Variants in GABRG1 observed in about 807,000 individuals in gnomAD.
The protein encoded by GABRG1 is gamma-aminobutyric acid type A receptor subunit gamma1, also known as gamma-aminobutyric acid receptor subunit gamma-1.
Under a neutral mutation model 49.8 loss-of-function variants are expected in GABRG1, and 49 were observed. That is an observed-to-expected ratio of 0.98 (90% confidence interval 0.78 to 1.25). The LOEUF (loss-of-function observed/expected upper bound fraction) is 1.25, where lower values mean the gene tolerates loss of function less well. GABRG1 is among the 50% of genes most tolerant of loss of function. The pLI, the probability that GABRG1 is intolerant of heterozygous loss-of-function variation, is 0.00. For missense variants in GABRG1, 552 were observed against 552.3 expected (o/e 1.00, Z 0.01); for synonymous variants, 232 against 185.1 (o/e 1.25, Z -2.06).
At chr4:46,049,573 G>C (rs189727845) in intron 8 of GABRG1, among the ~76,000 whole-genome samples, 166 of 151,872 alleles carry the variant, frequency 1.1e-3, no homozygotes, top group African/African-American at 3.8e-3. Flanking sequence ...TTTAATTTTC[G>C]TTCTTTACCT....
chr4:46,088,218 T>C (rs1433574959), intron 2 of GABRG1, among the ~76,000 whole-genome samples: 3 of 152,050 alleles, frequency 2.0e-5, no homozygotes, highest in Non-Finnish European at 4.4e-5. Context: ...TTGTTAGTAG[T>C]AGTGTTTAGT....
At chr4:46,103,963 A>G (rs968605723) in intron 1 of GABRG1, among the ~76,000 whole-genome samples, 2 of 151,434 alleles carry the variant, frequency 1.3e-5, no homozygotes, top group Non-Finnish European at 1.5e-5. Flanking sequence ...AAAGTTCTAT[A>G]TACGTTACAC....
intron 1 of GABRG1, among the ~76,000 whole-genome samples, chr4:46,115,218 C>G (rs1028912847): frequency 6.6e-6 from 1 of 150,544 alleles, no homozygotes; most frequent in South Asian, 2.1e-4. Context: ...GTAAGTAAAA[C>G]CTCATTGTAG....
chr4:46,093,727 A>C (rs1342453497), intron 2 of GABRG1, among the ~76,000 whole-genome samples: 4 of 152,006 alleles, frequency 2.6e-5, no homozygotes. Flanking sequence ...TACATCCACT[A>C]TGTATCCATA....
chr4:46,099,088 AAC>A (rs1345757432), intron 1 of GABRG1, among the ~76,000 whole-genome samples: 1 of 151,756 alleles, frequency 6.6e-6, no homozygotes, highest in Non-Finnish European at 1.5e-5. Context: ...ACGGATTAAT[AAC>A]AGTGTATTAT....
chr4:46,099,467 G>A (rs1361142649), intron 1 of GABRG1, among the ~76,000 whole-genome samples: 1 of 151,754 alleles, frequency 6.6e-6, no homozygotes, highest in Non-Finnish European at 1.5e-5. Context: ...AGGGTTGGAA[G>A]CCACTGGGAT....
chr4:46,063,363 C>T (rs541697550), intron 5 of GABRG1, among the ~76,000 whole-genome samples: 9 of 151,940 alleles, frequency 5.9e-5, no homozygotes, highest in African/African-American at 1.7e-4. Context: ...GAAATAACGC[C>T]ACATATCTAC....
chr4:46,043,229 G>T (rs1055800315), intron 8 of GABRG1, among the ~76,000 whole-genome samples: 1 of 151,888 alleles, frequency 6.6e-6, no homozygotes, highest in Non-Finnish European at 1.5e-5. Flanking sequence ...TGAGAGAAAT[G>T]ATTAAATTTT....
chr4:46,098,959 T>C lies in GABRG1; in HGVS notation c.105-1610A>G, dbSNP rs555658945. On this transcript the variant is annotated intron_variant, in intron 1 of 8. Coordinates refer to ENST00000295452, the MANE Select transcript of GABRG1 (RefSeq NM_173536.4). ...TATGAAGATGCTTGTGAAGTAAAAATCCTTATATTGCCATAAAAAATTTTT... is the reference window on the plus strand; with the variant it reads ...TATGAAGATGCTTGTGAAGTAAAAACCCTTATATTGCCATAAAAAATTTTT... 9.9e-5 allele frequency among the ~76,000 whole-genome samples: 15 copies of C among 151,766 alleles called. No homozygotes were observed. The South Asian group carries it at 2.9e-3, about 29-fold the overall frequency.
chr4:46,071,998 G>T (rs1228382233), intron 3 of GABRG1, among the ~76,000 whole-genome samples: 1 of 152,018 alleles, frequency 6.6e-6, no homozygotes, highest in Non-Finnish European at 1.5e-5. Flanking sequence ...CTCACTCACT[G>T]ACTCACCCAG....
At chr4:46,053,710 G>A (rs1018441384) in intron 7 of GABRG1, among the ~76,000 whole-genome samples, 3 of 151,810 alleles carry the variant, frequency 2.0e-5, no homozygotes, top group African/African-American at 7.3e-5. Context: ...ATCCACTACT[G>A]CAATAAATTT....
intron 8 of GABRG1, among the ~76,000 whole-genome samples, chr4:46,047,101 C>T (rs528128135): frequency 6.6e-6 from 1 of 152,210 alleles, no homozygotes; most frequent in Admixed American, 6.6e-5. Context: ...AATATGATAG[C>T]CGTAAGTCAC....
At chr4:46,048,666 G>T (rs1577630376) in intron 8 of GABRG1, among the ~76,000 whole-genome samples, 1 of 148,122 alleles carries the variant, frequency 6.8e-6, no homozygotes, top group South Asian at 2.1e-4. Context: ...AAAGAAAGAA[G>T]GAAGGAAGGA....
At chr4:46,104,531 G>A (rs549607359) in intron 1 of GABRG1, among the ~76,000 whole-genome samples, 19 of 151,470 alleles carry the variant, frequency 1.3e-4, no homozygotes, top group African/African-American at 4.6e-4. Context: ...ACATTATTAC[G>A]TGTAGTCACA....
chr4:46,080,840 G>T (rs534407660), intron 3 of GABRG1, among the ~76,000 whole-genome samples: 2 of 151,738 alleles, frequency 1.3e-5, no homozygotes, highest in Admixed American at 6.6e-5. Context: ...TCTAGGCATT[G>T]GTTACTTAGA....
At chr4:46,123,160 T>C (rs1272983639) in intron 1 of GABRG1, among the ~76,000 whole-genome samples, 2 of 149,886 alleles carry the variant, frequency 1.3e-5, no homozygotes, top group South Asian at 2.1e-4. Context: ...AAGACATTCA[T>C]GTGGCCACAC....
intron 8 of GABRG1, 55 bp downstream of exon 8, chr4:46,051,369 A>G: frequency 7.8e-7 from 1 of 1,276,314 alleles, no homozygotes; most frequent in Non-Finnish European, 1.1e-6. Context: ...TATTCAAAAG[A>G]GTATCTCTAA....
chr4:46,059,093 T>C (rs1718567321), intron 5 of GABRG1, among the ~76,000 whole-genome samples: 1 of 152,184 alleles, frequency 6.6e-6, no homozygotes, highest in Non-Finnish European at 1.5e-5. Flanking sequence ...TGTCTAAGAA[T>C]GTATTTTTTA....
At chr4:46,091,087 A>G (rs1719974378) in intron 2 of GABRG1, among the ~76,000 whole-genome samples, 1 of 151,974 alleles carries the variant, frequency 6.6e-6, no homozygotes, top group East Asian at 1.9e-4. Flanking sequence ...AACCAAATAT[A>G]AGCAGCTCCT....
Sources: allele counts gnomAD v4.1 joint callset (sites outside exome capture counted in the v4.1 genomes callset), GRCh38; gene constraint gnomAD v4.1.1; transcripts MANE v1.5; gene names NCBI Gene and HGNC (gene_info 2026-07-23, HGNC 2026-07-21).